The following CTH variants were observed in gnomAD, a reference collection of about 807,000 sequenced individuals.
CTH encodes the protein cystathionine gamma-lyase.
A neutral mutation model predicts 50.6 loss-of-function variants in CTH; 41 were observed. That is an observed-to-expected ratio of 0.81 (90% CI 0.63 to 1.05). CTH has a LOEUF of 1.05. Ranked by LOEUF, CTH falls within the 50% of genes least tolerant of loss-of-function variation. CTH has a pLI of 0.00. For synonymous variants in CTH, 156 were observed against 168.9 expected, an observed-to-expected ratio of 0.92 and a Z score of 0.59; for missense variants, 470 against 492.6, an observed-to-expected ratio of 0.95 and a Z score of 0.43.
chr1:70,417,386 G>A (rs1441603187), intron 2 of CTH, among the ~76,000 whole-genome samples: 1 of 151,978 alleles, frequency 6.6e-6, no homozygotes, highest in African/African-American at 2.4e-5. Context: ...CTGGGTTCAA[G>A]CGATTCTCCT....
chr1:70,432,295 G>A (rs895374747), intron 8 of CTH, 60 bp downstream of exon 8: 58 of 1,585,066 alleles, frequency 3.7e-5, no homozygotes, highest in South Asian at 3.3e-4. Context: ...CCTGAGCATC[G>A]TGTTTATGTA....
chr1:70,416,559 A>ATTTT (rs34806645), intron 2 of CTH, among the ~76,000 whole-genome samples: 2 of 115,636 alleles, frequency 1.7e-5, no homozygotes, highest in Admixed American at 9.0e-5. Context: ...CACCCTGCTA[A>ATTTT]TTTTTTTTTT....
chr1:70,438,693 T>A lies in CTH; in HGVS notation c.1058T>A (p.Ile353Asn). 6.2e-7 allele frequency: 1 copy of A among 1,614,084 alleles called. No homozygotes were observed. Among genetic ancestry groups the A allele is most frequent in the Non-Finnish European group, 8.5e-7 (1 of 1,179,998 alleles). ...TTGCTCATGTCTTCTTTCAGGGCAA[T>A]CATGACTCATGCATCAGTTCTTAAG... ...GFESLAELPA[I>N]MTHASVLKND... The change falls in exon 11 of 12, where the codon ATC becomes AAC. Residue 353 changes from isoleucine (I) to asparagine (N), a missense_variant. Coordinates refer to ENST00000370938, the MANE Select transcript of CTH (RefSeq NM_001902.6).
chr1:70,436,392 A>T (rs1684599409), intron 10 of CTH, among the ~76,000 whole-genome samples: 1 of 152,126 alleles, frequency 6.6e-6, no homozygotes, highest in African/African-American at 2.4e-5. Context: ...TGTCCCCCCA[A>T]GCATTCCTGA....
chr1:70,436,322 T>TGTCTCA (rs1307294316), intron 10 of CTH, among the ~76,000 whole-genome samples: 5 of 152,084 alleles, frequency 3.3e-5, no homozygotes, highest in Admixed American at 6.6e-5. Context: ...AGCGAGACTC[T>TGTCTCA]GTCTCAAAAA....
rs1217148752 is a variant in CTH, at chr1:70,430,337, G to A, written c.667G>A (p.Gly223Ser). Residue 223 changes from glycine to serine, a missense_variant, in exon 7 of 12, where the codon GGC (glycine) becomes AGC (serine). Transcript: ENST00000370938. The part of the protein sequence containing the change: ...YMNGHSDVVM[G>S]LVSVNCESLH... ...TTTAGGCCACAGTGATGTTGTAATG[G>A]GCCTGGTGTCTGTTAATTGTGAAAG... 1 of 1,599,498 alleles carries A rather than the reference G, an allele frequency of 6.3e-7. No individual in the cohort carries two copies. Among genetic ancestry groups the A allele is most frequent in the Admixed American group, 1.7e-5 (1 of 59,964 alleles).
rs558046896 is a variant in CTH, at chr1:70,437,701, A to G, written c.1053-987A>G. Among the ~76,000 whole-genome samples, 21 of 152,352 alleles carry G rather than the reference A, an allele frequency of 1.4e-4. 1 individual carries two copies. Among genetic ancestry groups the G allele is most frequent in the East Asian group, 5.8e-4 (3 of 5,182 alleles). ...GTTTGTATCTAAACAACACTTTAGT[A>G]AAGTGACAAAGGAAGATATCCATCA... is the stretch of plus-strand genomic sequence containing the variant. On this transcript the variant is annotated intron_variant, in intron 10 of 11. Coordinates refer to ENST00000370938, the MANE Select transcript of CTH (RefSeq NM_001902.6).
At chr1:70,434,847 G>A (rs1684561459) in intron 9 of CTH, 2 of 325,980 alleles carry the variant, frequency 6.1e-6, no homozygotes, top group Middle Eastern at 1.1e-3. Flanking sequence ...CCACCTCCTG[G>A]GTTGAAGTGA....
chr1:70,433,768 C>A (rs921725802), intron 8 of CTH, 60 bp from the exon 9 acceptor site: 1 of 1,608,700 alleles, frequency 6.2e-7, no homozygotes, highest in Non-Finnish European at 8.5e-7. Context: ...TACCACCCTC[C>A]CCCCCCAAAA....
At chr1:70,416,290 A>C (rs1018933913) in intron 2 of CTH, among the ~76,000 whole-genome samples, 1 of 152,244 alleles carries the variant, frequency 6.6e-6, no homozygotes, top group Non-Finnish European at 1.5e-5. Flanking sequence ...ATTTATTAAT[A>C]CTACATTTAT....
chr1:70,430,275 C>G (rs779727754), intron 6 of CTH, 42 bp from the exon 7 acceptor site: 2 of 1,083,432 alleles, frequency 1.8e-6, no homozygotes, highest in Admixed American at 3.4e-5. Context: ...TAAATTGTTT[C>G]TAACTGAAAT....
At chr1:70,430,507 G>T in intron 7 of CTH, 113 bp downstream of exon 7, 1 of 632,922 alleles carries the variant, frequency 1.6e-6, no homozygotes. Flanking sequence ...ATGAAGAAAT[G>T]AAAAATAGAG....
intron 9 of CTH, among the ~76,000 whole-genome samples, chr1:70,434,649 G>A (rs928564006): frequency 4.0e-5 from 6 of 150,504 alleles, no homozygotes; most frequent in African/African-American, 1.2e-4. Flanking sequence ...TATTTCATAA[G>A]TGATATATAT....
intron 1 of CTH, among the ~76,000 whole-genome samples, chr1:70,414,837 C>T (rs902965869): frequency 6.6e-6 from 1 of 151,510 alleles, no homozygotes; most frequent in African/African-American, 2.4e-5. Context: ...TTTTTTTTCC[C>T]GAGACAGAGT....
In CTH at chr1:70,411,431, G is replaced by A. The variant is rs907718365; in HGVS notation, c.16G>A (p.Ala6Thr). Reference sequence around the variant, plus strand: ...GCGGTTCAGCATGCAGGAAAAAGACGCCTCCTCACAAGGTTTCCTGCCACA... The same window carrying A: ...GCGGTTCAGCATGCAGGAAAAAGACACCTCCTCACAAGGTTTCCTGCCACA... Reference protein sequence around the residue: MQEKDASSQGFLPHFQ... With the variant: MQEKDTSSQGFLPHFQ... Residue 6 changes from alanine (A) to threonine (T), a missense_variant, in exon 1 of 12, where the codon GCC (alanine) becomes ACC (threonine). Physicochemically the swap from Ala to Thr is moderately conservative, Grantham distance 58 (BLOSUM62 0). Coordinates refer to ENST00000370938, the MANE Select transcript of CTH (RefSeq NM_001902.6). 2.2e-5 allele frequency: 35 copies of A among 1,613,858 alleles called. No homozygotes were observed. Among genetic ancestry groups the A allele is most frequent in the Non-Finnish European group, 2.9e-5 (34 of 1,179,904 alleles).
intron 7 of CTH, chr1:70,431,228 A>C (rs551415901): frequency 6.6e-6 from 1 of 152,194 alleles, no homozygotes. Flanking sequence ...TTATGATATG[A>C]TATAAGAAAT....
At chr1:70,431,177 CAAAAAACA>C (rs1684465986) in intron 7 of CTH, 1 of 151,276 alleles carries the variant, frequency 6.6e-6, no homozygotes, top group South Asian at 2.1e-4. Context: ...GATCCTGTCT[CAAAAAACA>C]AAAAACAAAA....
chr1:70,437,159 CA>C (rs1056635968), intron 10 of CTH, among the ~76,000 whole-genome samples: 7 of 152,148 alleles, frequency 4.6e-5, no homozygotes, highest in African/African-American at 1.7e-4. Flanking sequence ...TCAATTTCCT[CA>C]ATTTTAAAAT....
intron 10 of CTH, among the ~76,000 whole-genome samples, chr1:70,437,136 T>C (rs1382731063): frequency 1.3e-5 from 2 of 152,176 alleles, no homozygotes; most frequent in African/African-American, 2.4e-5. Context: ...AAGTTACTCA[T>C]CCTCCCTAAA....
Sources: allele counts gnomAD v4.1 joint callset (sites outside exome capture counted in the v4.1 genomes callset), GRCh38; gene constraint gnomAD v4.1.1; transcripts MANE v1.5; gene names NCBI Gene and HGNC (gene_info 2026-07-23, HGNC 2026-07-21).